The following EIF4G3 variants were observed in gnomAD, a reference collection of about 807,000 sequenced individuals.
EIF4G3 encodes eukaryotic translation initiation factor 4 gamma 3.
EIF4G3 carries 34 observed loss-of-function variants against 186.4 expected under a neutral mutation model. The observed-to-expected ratio is 0.18, with a 90% confidence interval of 0.14 to 0.24. The LOEUF (loss-of-function observed/expected upper bound fraction) is 0.24, where lower values mean the gene tolerates loss of function less well. EIF4G3 is among the 10% of genes least tolerant of loss of function. EIF4G3 has a pLI of 1.00. For synonymous variants in EIF4G3, 673 were observed against 679.5 expected (o/e 0.99, Z 0.15); for missense variants, 1,536 against 1,948.5 (o/e 0.79, Z 3.99).
At chr1:21,160,580 T>C (rs557440898) in intron 2 of EIF4G3, among the ~76,000 whole-genome samples, 1 of 152,272 alleles carries the variant, frequency 6.6e-6, no homozygotes, top group Non-Finnish European at 1.5e-5. Flanking sequence ...ATCATCATAC[T>C]GACATCATGA....
rs5772939 is a variant in EIF4G3 at position 21,113,146 on chromosome 1, C to CAAA, written c.-271-23936_-271-23934dup. Among the ~76,000 whole-genome samples the CAAA allele has an allele frequency of 2.1e-4, 11 of 51,464 alleles. 1 individual carries two copies. Among genetic ancestry groups the CAAA allele is most frequent in the Middle Eastern group, 0.011 (1 of 92 alleles). The allele number at this position is 51,464 out of a possible 152,430, so 33.8% of individuals were successfully genotyped here. ...GGCCTGGCTGATAGAGGCCCTATCT[C>CAAA]AAAAAAAAAAAAAAAAAAAAAAAAA... On this transcript the variant is annotated intron_variant, in intron 2 of 36. Transcript: ENST00000602326.
intron 14 of EIF4G3, among the ~76,000 whole-genome samples, chr1:20,914,481 A>T (rs1450160932): frequency 6.6e-6 from 1 of 152,174 alleles, no homozygotes; most frequent in Admixed American, 6.5e-5. Context: ...TAAAAAAGAC[A>T]AAGGAATAGA....
At chr1:21,159,138 A>G (rs958744292) in intron 2 of EIF4G3, among the ~76,000 whole-genome samples, 1 of 152,206 alleles carries the variant, frequency 6.6e-6, no homozygotes, top group African/African-American at 2.4e-5. Context: ...AAGCTTAAAA[A>G]TAAAAAAACA....
chr1:20,836,867 A>G (rs2154548762), intron 30 of EIF4G3, among the ~76,000 whole-genome samples: 1 of 152,320 alleles, frequency 6.6e-6, no homozygotes, highest in South Asian at 2.1e-4. Flanking sequence ...CTATCAACAC[A>G]CTGTTTGAAG....
At chr1:20,925,586 T>G (rs542584107) in intron 14 of EIF4G3, among the ~76,000 whole-genome samples, 126 of 152,146 alleles carry the variant, frequency 8.3e-4, no homozygotes, top group Non-Finnish European at 1.4e-3. Flanking sequence ...CAAGTTGGAG[T>G]GTGGTGACAC....
At position 20,941,701 on chromosome 1, in the gene EIF4G3, G is replaced by C. The variant is rs142103671; in HGVS notation, c.1453C>G (p.Pro485Ala). ...PTPPASPPHT[P>A]VIVPAAATTV... ...GTGGCAGCAGCAGGAACAATGACTGGAGTGTGAGGAGGAGAAGCTGGAGGA... is the reference window on the plus strand; with the variant it reads ...GTGGCAGCAGCAGGAACAATGACTGCAGTGTGAGGAGGAGAAGCTGGAGGA... The change falls in exon 14 of 37, where the codon CCA becomes GCA. Residue 485 changes from proline (P) to alanine (A), a missense_variant. Transcript: ENST00000602326. The C allele has an allele frequency of 0.013, 21,010 of 1,612,758 alleles. 179 individuals are homozygous for C. Among genetic ancestry groups the C allele is most frequent in the Non-Finnish European group, 0.016 (18,545 of 1,179,402 alleles).
chr1:20,826,613 C>T lies in EIF4G3; in HGVS notation c.4269+1004G>A, dbSNP rs1420582092. Among the ~76,000 whole-genome samples the T allele has an allele frequency of 6.8e-5, 10 of 148,114 alleles. No homozygotes were observed. In the East Asian group the frequency reaches 2.1e-3, roughly 31 times the overall value. On this transcript the variant is annotated intron_variant, in intron 32 of 36. Coordinates refer to ENST00000602326, the MANE Select transcript of EIF4G3 (RefSeq NM_001391906.1). ...CAAGCTATTCTCCTGCCTCAGCCTC[C>T]TAAGTAGCTGGGACTACAGGTGCGT...
chr1:20,965,932 A>G (rs1215669050), intron 12 of EIF4G3, among the ~76,000 whole-genome samples: 3 of 152,180 alleles, frequency 2.0e-5, no homozygotes, highest in South Asian at 4.1e-4. Flanking sequence ...TTACAAAGCT[A>G]AGCAGTGGAA....
intron 4 of EIF4G3, among the ~76,000 whole-genome samples, chr1:21,028,525 T>C (rs1277935892): frequency 6.6e-6 from 1 of 152,222 alleles, no homozygotes; most frequent in African/African-American, 2.4e-5. Flanking sequence ...GCTTCAAAGA[T>C]ATTGATAATC....
chr1:21,167,813 C>T (rs2097883989), intron 2 of EIF4G3: 3 of 246,334 alleles, frequency 1.2e-5, no homozygotes, highest in Non-Finnish European at 2.6e-5. Context: ...ACTTAGTATA[C>T]TTGAACATAT....
chr1:20,905,031 G>A, intron 14 of EIF4G3, 60 bp from the exon 15 acceptor site: 1 of 1,257,112 alleles, frequency 8.0e-7, no homozygotes, highest in East Asian at 2.3e-5. Context: ...GAAATATTAG[G>A]TCTAAGTGAT....
chr1:20,969,634 T>C (rs745792047), intron 11 of EIF4G3, 38 bp from the exon 12 acceptor site: 2 of 1,598,726 alleles, frequency 1.3e-6, no homozygotes. Context: ...TACAGATGAG[T>C]GTCTGTGTAG....
At chr1:21,001,145 T>A (rs571579144) in intron 6 of EIF4G3, 54 bp downstream of exon 6, 162 of 468,736 alleles carry the variant, frequency 3.5e-4, no homozygotes, top group Admixed American at 2.0e-3. Flanking sequence ...TCAAAAATAC[T>A]AAGTGCCAGA....
intron 3 of EIF4G3, among the ~76,000 whole-genome samples, chr1:21,077,759 A>T (rs973331193): frequency 4.6e-5 from 7 of 151,908 alleles, no homozygotes; most frequent in Non-Finnish European, 1.0e-4. Context: ...GCATGCCTGT[A>T]ATCCCAGATA....
intron 3 of EIF4G3, among the ~76,000 whole-genome samples, chr1:21,076,064 C>T (rs1242790919): frequency 1.3e-5 from 2 of 152,110 alleles, no homozygotes; most frequent in African/African-American, 2.4e-5. Flanking sequence ...CATCAGCACA[C>T]GGGTTCTCCA....
chr1:20,945,379 GGGCATATAAT>G (rs1558372295), intron 13 of EIF4G3, among the ~76,000 whole-genome samples: 1 of 152,090 alleles, frequency 6.6e-6, no homozygotes. Context: ...ATGATAATCT[GGGCATATAAT>G]GGCATACTAT....
chr1:21,171,565 G>A (rs969887680), intron 2 of EIF4G3, among the ~76,000 whole-genome samples: 4 of 152,246 alleles, frequency 2.6e-5, no homozygotes, highest in Admixed American at 6.5e-5. Context: ...TCTGCCCCAT[G>A]TTAGTATCTT....
intron 33 of EIF4G3, among the ~76,000 whole-genome samples, chr1:20,823,689 C>T (rs549558694): frequency 6.6e-6 from 1 of 152,166 alleles, no homozygotes; most frequent in Admixed American, 6.6e-5. Context: ...CTTTTCTTTT[C>T]AAATCTCTTT....
chr1:21,074,453 C>T (rs61051771), intron 3 of EIF4G3, among the ~76,000 whole-genome samples: 13,681 of 152,076 alleles, frequency 0.09, 865 homozygotes, highest in East Asian at 0.26. Context: ...GCTATCATCT[C>T]GTATTTAAAT....
Sources: gnomAD v4.1 joint callset for allele counts (sites outside exome capture counted in the v4.1 genomes callset) on GRCh38, gnomAD v4.1.1 for gene constraint, MANE v1.5 for transcripts, NCBI Gene and HGNC (gene_info 2026-07-23, HGNC 2026-07-21) for gene names.